The following RBFOX1 variants were observed in gnomAD, a reference collection of about 807,000 sequenced individuals.
RBFOX1 encodes the protein RNA binding protein fox-1 homolog 1.
A neutral mutation model predicts 57.7 loss-of-function variants in RBFOX1; 8 were observed. The ratio of observed to expected loss-of-function variants is 0.14; its 90% CI spans 0.08 to 0.25. RBFOX1 has a LOEUF of 0.25. Among genes scored for constraint, RBFOX1 ranks in the 10% least tolerant of loss-of-function variants. The pLI is 1.00. For synonymous variants in RBFOX1, 326 were observed against 222.4 expected, an observed-to-expected ratio of 1.47 and a Z score of -4.15; for missense variants, 611 against 548.5, an observed-to-expected ratio of 1.11 and a Z score of -1.14.
rs535612394 is a variant in RBFOX1, at chr16:7,053,247, C to G, written c.27+1149C>G. Among the ~76,000 whole-genome samples the G allele has an allele frequency of 1.4e-4, 21 of 152,264 alleles. No homozygotes were observed. The South Asian group carries it at 2.5e-3, about 18-fold the overall frequency. ...GAAAGTGAGACAAGGTTTTCTGTTT[C>G]TTTTATGCATATTTGTTTTATGCAG... On this transcript the variant is annotated intron_variant, in intron 4 of 15. Transcript: ENST00000550418.
At chr16:5,432,246 G>C (rs932507525) in intron 1 of RBFOX1, among the ~76,000 whole-genome samples, 1 of 152,140 alleles carries the variant, frequency 6.6e-6, no homozygotes, top group Admixed American at 6.5e-5. Flanking sequence ...AAATCGGCCT[G>C]TAAAAATAAA....
At chr16:6,308,243 GATC>G (rs1413924637) in intron 1 of RBFOX1, among the ~76,000 whole-genome samples, 1 of 152,082 alleles carries the variant, frequency 6.6e-6, no homozygotes, top group Non-Finnish European at 1.5e-5. Flanking sequence ...TCCTATAAAT[GATC>G]ATCATCTGTT....
intron 3 of RBFOX1, among the ~76,000 whole-genome samples, chr16:6,724,247 T>G (rs976865201): frequency 6.6e-6 from 1 of 150,448 alleles, no homozygotes; most frequent in Non-Finnish European, 1.5e-5. Flanking sequence ...TTCACTCTTG[T>G]CACCCATGCT....
chr16:7,647,633 T>G (rs1014876648), intron 11 of RBFOX1, among the ~76,000 whole-genome samples: 4 of 152,192 alleles, frequency 2.6e-5, no homozygotes, highest in African/African-American at 9.6e-5. Flanking sequence ...TGTTTTTTAA[T>G]TAACAAAGAG....
chr16:6,033,471 A>T (rs182549972), intron 1 of RBFOX1, among the ~76,000 whole-genome samples: 127 of 152,362 alleles, frequency 8.3e-4, no homozygotes, highest in African/African-American at 3.0e-3. Context: ...TTTTATGCGA[A>T]TACAAACATT....
chr16:6,707,525 C>G (rs1180446404), intron 3 of RBFOX1, among the ~76,000 whole-genome samples: 3 of 137,724 alleles, frequency 2.2e-5, no homozygotes, highest in South Asian at 2.3e-4. Flanking sequence ...AGTGAACATC[C>G]TTGTACATGC....
At chr16:6,751,202 A>C (rs1161291534) in intron 3 of RBFOX1, among the ~76,000 whole-genome samples, 1 of 152,210 alleles carries the variant, frequency 6.6e-6, no homozygotes, top group African/African-American at 2.4e-5. Context: ...AAGAGTTTTA[A>C]GGACAAGGGT....
At chr16:5,692,777 C>G (rs1387683763) in intron 3 of RBFOX1, among the ~76,000 whole-genome samples, 2 of 151,960 alleles carry the variant, frequency 1.3e-5, no homozygotes, top group Admixed American at 6.6e-5. Flanking sequence ...GCCCACCGAA[C>G]AAGAAAACGC....
In RBFOX1 at chr16:7,587,429, G is replaced by A; in HGVS notation, c.468+129G>A. 3.0e-6 allele frequency: 3 copies of A among 990,228 alleles called. No homozygotes were observed. The South Asian group carries it at 1.3e-4, about 43-fold the overall frequency. 61.3% of individuals were successfully genotyped at this position (990,228 alleles called of 1,614,324 possible). On this transcript the variant is annotated intron_variant, in intron 7 of 15. Coordinates refer to ENST00000550418, the MANE Select transcript of RBFOX1 (RefSeq NM_018723.4). ...ACACTTCAGTGGGAATTCCTTTAGA[G>A]ACCACCTTCCGTTTTCAAAATGGTG...
At chr16:6,762,855 G>A (rs749506376) in intron 3 of RBFOX1, among the ~76,000 whole-genome samples, 21 of 152,132 alleles carry the variant, frequency 1.4e-4, no homozygotes, top group Non-Finnish European at 3.1e-4. Context: ...TCTCAAAGGA[G>A]GTACCTCTCC....
At chr16:6,539,655 A>G (rs186051369) in intron 2 of RBFOX1, among the ~76,000 whole-genome samples, 129 of 152,146 alleles carry the variant, frequency 8.5e-4, no homozygotes, top group Non-Finnish European at 1.5e-3. Context: ...AAAATTAGCC[A>G]TGCCTGGTGG....
At chr16:6,065,615 C>G (rs759494019) in intron 1 of RBFOX1, among the ~76,000 whole-genome samples, 1 of 152,304 alleles carries the variant, frequency 6.6e-6, no homozygotes, top group Admixed American at 6.5e-5. Context: ...ATCCTTCAAA[C>G]TGGATTTCAC....
chr16:6,554,753 C>CACACACAAAGGT (rs2097063151), intron 2 of RBFOX1, among the ~76,000 whole-genome samples: 1 of 137,150 alleles, frequency 7.3e-6, no homozygotes, highest in Non-Finnish European at 1.5e-5. Context: ...CACACACACA[C>CACACACAAAGGT]ACACAGACAC....
chr16:5,824,103 C>T (rs1203468514), intron 3 of RBFOX1, among the ~76,000 whole-genome samples: 1 of 152,202 alleles, frequency 6.6e-6, no homozygotes, highest in Non-Finnish European at 1.5e-5. Context: ...AGTTGCTTCA[C>T]CTCTCTGGGC....
intron 1 of RBFOX1, among the ~76,000 whole-genome samples, chr16:5,343,589 G>C (rs2065079815): frequency 6.6e-6 from 1 of 151,916 alleles, no homozygotes; most frequent in Non-Finnish European, 1.5e-5. Flanking sequence ...CCAAAGTGCT[G>C]GGATTACAGG....
At chr16:5,410,446 G>A (rs1302340587) in intron 1 of RBFOX1, among the ~76,000 whole-genome samples, 1 of 152,096 alleles carries the variant, frequency 6.6e-6, no homozygotes, top group Non-Finnish European at 1.5e-5. Context: ...ACAAAGAAAA[G>A]TGAAACAGAA....
Position 5,813,733 on chromosome 16 carries a change from A to G in RBFOX1, c.319-53570A>G, listed in dbSNP as rs140464613. Among the ~76,000 whole-genome samples the G allele has an allele frequency of 2.6e-5, 4 of 152,370 alleles. No homozygotes were observed. In the East Asian group the frequency reaches 7.7e-4, roughly 29 times the overall value. ...GGAGCTGATATATCATGCTCTTAGC[A>G]GAGCTACTGGCATCAGCACGTGCTT... On this transcript the variant is annotated intron_variant, in intron 3 of 19. Coordinates refer to the RBFOX1 transcript ENST00000641259.
At chr16:7,480,596 C>T (rs1336948755) in intron 4 of RBFOX1, among the ~76,000 whole-genome samples, 2 of 152,160 alleles carry the variant, frequency 1.3e-5, no homozygotes, top group Non-Finnish European at 2.9e-5. Flanking sequence ...CAAGCGTGGA[C>T]TCATTTTCAT....
At chr16:6,459,442 C>G (rs1015104854) in intron 2 of RBFOX1, among the ~76,000 whole-genome samples, 1 of 152,008 alleles carries the variant, frequency 6.6e-6, no homozygotes, top group Non-Finnish European at 1.5e-5. Flanking sequence ...TTAGGTACAC[C>G]AAGAATTTAT....
Sources: gnomAD v4.1 joint callset for allele counts (sites outside exome capture counted in the v4.1 genomes callset) on GRCh38, gnomAD v4.1.1 for gene constraint, MANE v1.5 for transcripts, NCBI Gene and HGNC (gene_info 2026-07-23, HGNC 2026-07-21) for gene names.